The following SOX6 variants were observed in gnomAD, a reference collection of about 807,000 sequenced individuals.
SOX6 encodes SRY-box transcription factor 6, also known as transcription factor SOX-6.
Under a neutral mutation model 97.8 loss-of-function variants are expected in SOX6, and 11 were observed. That is an observed-to-expected ratio of 0.11 (90% confidence interval 0.07 to 0.19). The LOEUF (loss-of-function observed/expected upper bound fraction) is 0.19. Among genes scored for constraint, SOX6 ranks in the 10% least tolerant of loss-of-function variants. SOX6 has a pLI of 1.00. For missense variants in SOX6, 810 were observed against 1,039.5 expected (o/e 0.78, Z 3.04); for synonymous variants, 360 against 371.4 (o/e 0.97, Z 0.35).
chr11:16,029,614 C>A (rs1397444745), intron 12 of SOX6, among the ~76,000 whole-genome samples: 5 of 149,690 alleles, frequency 3.3e-5, no homozygotes, highest in African/African-American at 9.9e-5. Flanking sequence ...CTAGCCTGGG[C>A]TACAGAGCAA....
At chr11:16,520,259 T>A (rs1336483551) in intron 4 of SOX6, among the ~76,000 whole-genome samples, 2 of 152,254 alleles carry the variant, frequency 1.3e-5, no homozygotes, top group Non-Finnish European at 2.9e-5. Flanking sequence ...GTCATAGTCA[T>A]GAATTCTTTG....
intron 2 of SOX6, among the ~76,000 whole-genome samples, chr11:16,330,940 C>T (rs997685590): frequency 1.4e-4 from 21 of 152,098 alleles, no homozygotes; most frequent in African/African-American, 4.6e-4. Context: ...GAACCCCTAC[C>T]AAACAAAAAG....
chr11:16,548,754 T>C (rs1225662437), intron 4 of SOX6, among the ~76,000 whole-genome samples: 1 of 152,124 alleles, frequency 6.6e-6, no homozygotes, highest in East Asian at 1.9e-4. Flanking sequence ...AAGAGACCTA[T>C]TGTACAACAT....
rs557841973 is a variant in SOX6 at position 16,732,201 on chromosome 11, GCTA to G, written n.353+4135_353+4137del. Among the ~76,000 whole-genome samples the G allele has an allele frequency of 6.6e-5, 10 of 152,248 alleles. No homozygotes were observed. In the South Asian group the frequency reaches 8.3e-4, roughly 13 times the overall value. ...ATAGATTCAATGCTATCCCCATCAA[GCTA>G]CCATTGACTTTCTTCACAAATTAGA... On this transcript the variant is annotated intron_variant and non_coding_transcript_variant, in intron 2 of 5. Transcript: ENST00000524520.
chr11:16,413,966 C>T, intron 1 of SOX6, among the ~76,000 whole-genome samples: 1 of 151,864 alleles, frequency 6.6e-6, no homozygotes, highest in East Asian at 1.9e-4. Context: ...GCAAAAGAAG[C>T]CTGGGGAAAC....
intron 6 of SOX6, among the ~76,000 whole-genome samples, chr11:16,131,844 A>G (rs1849747817): frequency 6.6e-6 from 1 of 152,104 alleles, no homozygotes; most frequent in East Asian, 1.9e-4. Flanking sequence ...TGTATGATTC[A>G]ATTTATATGA....
At chr11:16,072,997 T>G (rs1371047206) in intron 9 of SOX6, among the ~76,000 whole-genome samples, 3 of 152,210 alleles carry the variant, frequency 2.0e-5, no homozygotes, top group East Asian at 1.9e-4. Flanking sequence ...AAAACACACT[T>G]AAGTACGCAG....
At chr11:16,121,425 G>A (rs1302779775) in intron 6 of SOX6, among the ~76,000 whole-genome samples, 2 of 152,000 alleles carry the variant, frequency 1.3e-5, no homozygotes, top group Non-Finnish European at 2.9e-5. Flanking sequence ...GCCATTTAGT[G>A]AGAACCTATC....
At chr11:16,276,074 T>C (rs1854392491) in intron 3 of SOX6, among the ~76,000 whole-genome samples, 1 of 152,134 alleles carries the variant, frequency 6.6e-6, no homozygotes, top group South Asian at 2.1e-4. Flanking sequence ...GTCAGAGAAG[T>C]TGGGAAACTT....
At chr11:16,221,493 C>T (rs1852536035) in intron 4 of SOX6, among the ~76,000 whole-genome samples, 1 of 152,046 alleles carries the variant, frequency 6.6e-6, no homozygotes, top group South Asian at 2.1e-4. Context: ...ACCACTTGTG[C>T]TTTTATTGGC....
At chr11:16,179,660 G>A (rs1482173471) in intron 6 of SOX6, among the ~76,000 whole-genome samples, 1 of 151,772 alleles carries the variant, frequency 6.6e-6, no homozygotes, top group African/African-American at 2.4e-5. Flanking sequence ...AGAAAACAAG[G>A]CACTAAAAAT....
intron 1 of SOX6, among the ~76,000 whole-genome samples, chr11:16,405,443 C>A (rs898800149): frequency 5.3e-5 from 8 of 151,950 alleles, no homozygotes; most frequent in Admixed American, 2.0e-4. Flanking sequence ...ATCTAACACC[C>A]CTTCTCCGAA....
intron 1 of SOX6, among the ~76,000 whole-genome samples, chr11:16,429,871 G>A (rs1003970920): frequency 2.0e-5 from 3 of 152,182 alleles, no homozygotes; most frequent in Admixed American, 6.5e-5. Context: ...TGAACTACCC[G>A]CACTCTGGTG....
chr11:16,541,437 G>GAAAGC (rs1273827317), intron 4 of SOX6, among the ~76,000 whole-genome samples: 3 of 151,952 alleles, frequency 2.0e-5, no homozygotes, highest in Non-Finnish European at 4.4e-5. Flanking sequence ...CTAAAACACC[G>GAAAGC]AAAGCAATGG....
chr11:16,033,597 G>A (rs544611818), intron 12 of SOX6, among the ~76,000 whole-genome samples: 37 of 152,214 alleles, frequency 2.4e-4, no homozygotes, highest in Non-Finnish European at 2.1e-4. Flanking sequence ...TCGGCCAGGC[G>A]CAGTGGCTCA....
chr11:16,138,467 C>T (rs1045712459), intron 6 of SOX6, among the ~76,000 whole-genome samples: 5 of 152,070 alleles, frequency 3.3e-5, no homozygotes, highest in Admixed American at 1.3e-4. Flanking sequence ...TCTTAGTATC[C>T]TCCAATCTGA....
chr11:16,207,503 G>T (rs1437211292), intron 4 of SOX6, among the ~76,000 whole-genome samples: 1 of 151,628 alleles, frequency 6.6e-6, no homozygotes, highest in African/African-American at 2.4e-5. Context: ...GCTGAGGCAG[G>T]AGAATGGCCT....
intron 4 of SOX6, among the ~76,000 whole-genome samples, chr11:16,196,253 C>T (rs796231149): frequency 8.5e-5 from 13 of 152,216 alleles, no homozygotes; most frequent in African/African-American, 2.6e-4. Context: ...GCAAAAGTAA[C>T]GCAGCTTGCC....
intron 1 of SOX6, among the ~76,000 whole-genome samples, chr11:16,437,589 G>T (rs934254264): frequency 1.3e-5 from 2 of 152,144 alleles, no homozygotes; most frequent in Non-Finnish European, 2.9e-5. Context: ...CTTCTCTTGA[G>T]CAAGTCTCCT....
Sources: gnomAD v4.1 joint callset for allele counts (sites outside exome capture counted in the v4.1 genomes callset) on GRCh38, gnomAD v4.1.1 for gene constraint, MANE v1.5 for transcripts, NCBI Gene and HGNC (gene_info 2026-07-23, HGNC 2026-07-21) for gene names.